The following YPEL1 variants were observed in gnomAD, a reference collection of about 807,000 sequenced individuals.
YPEL1 encodes yippee like 1, also known as protein yippee-like 1.
In YPEL1, 7 loss-of-function variants were observed where a neutral mutation model predicts 17.3. The ratio of observed to expected loss-of-function variants is 0.40; its 90% CI spans 0.23 to 0.76. The LOEUF is 0.76. YPEL1 is among the 30% of genes least tolerant of loss of function. YPEL1 has a pLI of 0.35. For missense variants in YPEL1, 91 were observed against 155.5 expected, an observed-to-expected ratio of 0.59 and a Z score of 2.21; for synonymous variants, 59 against 59.6, an observed-to-expected ratio of 0.99 and a Z score of 0.05.
At chr22:21,706,906 G>A (rs953085389) in intron 2 of YPEL1, among the ~76,000 whole-genome samples, 1 of 151,974 alleles carries the variant, frequency 6.6e-6, no homozygotes, top group East Asian at 1.9e-4. Context: ...AATACTAAGT[G>A]AGGAAAAGTT....
chr22:21,700,848 T>G lies in YPEL1; in HGVS notation c.*281A>C. 3.3e-6 allele frequency: 1 copy of G among 304,844 alleles called. No individual in the cohort carries two copies. The highest frequency in any genetic ancestry group is 6.1e-6 in the Non-Finnish European group (1 of 164,396). The allele number at this position is 304,844 out of a possible 1,614,324, so 18.9% of individuals were successfully genotyped here. A position where few individuals can be genotyped will look rare whatever the true frequency, so the allele number is the denominator to read the frequency against. ...TGAAGACAAAGGTGAAAGGAAGATATTAACTAGGCAGGTAAGTCATCAGTT... is the reference window on the plus strand; with the variant it reads ...TGAAGACAAAGGTGAAAGGAAGATAGTAACTAGGCAGGTAAGTCATCAGTT... On this transcript the variant is annotated 3_prime_UTR_variant, in exon 5 of 5. Coordinates refer to ENST00000339468, the MANE Select transcript of YPEL1 (RefSeq NM_013313.5).
rs901035570 is a variant in YPEL1, at chr22:21,697,964, T to TAAAA, written c.*3161_*3164dup. ...GCCATCAAGAATAAGCATTAAGGTA[T>TAAAA]AAAAAATACTGTGTGTATAAAACAA... On this transcript the variant is annotated 3_prime_UTR_variant, in exon 5 of 5. Transcript: ENST00000339468. The TAAAA allele has an allele frequency of 1.3e-5, 2 of 152,288 alleles. No individual in the cohort carries two copies. Among genetic ancestry groups the TAAAA allele is most frequent in the African/African-American group, 4.8e-5 (2 of 41,428 alleles). 9.4% of individuals were successfully genotyped at this position (152,288 alleles called of 1,614,324 possible).
chr22:21,713,871 C>T (rs576191978), intron 1 of YPEL1, among the ~76,000 whole-genome samples: 4 of 152,206 alleles, frequency 2.6e-5, no homozygotes, highest in Non-Finnish European at 5.9e-5. Context: ...CCTGGTGGCA[C>T]CACCCCAGCC....
At chr22:21,715,378 C>T (rs1456504481) in intron 1 of YPEL1, among the ~76,000 whole-genome samples, 1 of 151,580 alleles carries the variant, frequency 6.6e-6, no homozygotes, top group East Asian at 2.0e-4. Context: ...CCTGTAGTAC[C>T]AGCTACTCGG....
At position 21,698,339 on chromosome 22, in the gene YPEL1, A is replaced by G. The variant is rs1386858002; in HGVS notation, c.*2790T>C. The G allele has an allele frequency of 2.0e-5, 3 of 152,340 alleles. No homozygotes were observed. The highest frequency in any genetic ancestry group is 7.2e-5 in the African/African-American group (3 of 41,444). 9.4% of individuals were successfully genotyped at this position (152,340 alleles called of 1,614,324 possible). A position where few individuals can be genotyped will look rare whatever the true frequency, so the allele number is the denominator to read the frequency against. On this transcript the variant is annotated 3_prime_UTR_variant, in exon 5 of 5. Transcript: ENST00000339468. The stretch of plus-strand genomic sequence containing the variant: ...TCAATGCCGTCACAAAAGACAGTAC[A>G]AAAACCAAAGTGCCCAAATAGAAGG...
chr22:21,718,281 A>G (rs1465945234), intron 1 of YPEL1, among the ~76,000 whole-genome samples: 3 of 151,786 alleles, frequency 2.0e-5, no homozygotes, highest in South Asian at 2.1e-4. Context: ...GGCTAACACA[A>G]TGAAACCCCA....
chr22:21,732,589 C>T (rs983395580), intron 1 of YPEL1, among the ~76,000 whole-genome samples: 1 of 152,142 alleles, frequency 6.6e-6, no homozygotes, highest in Non-Finnish European at 1.5e-5. Flanking sequence ...TGAGGCCATC[C>T]TGGCCAACCT....
chr22:21,715,738 C>T (rs2068215766), intron 1 of YPEL1, among the ~76,000 whole-genome samples: 1 of 108,274 alleles, frequency 9.2e-6, no homozygotes, highest in African/African-American at 2.9e-5. Context: ...CGTGCCACCA[C>T]ACCTAATTTT....
intron 1 of YPEL1, among the ~76,000 whole-genome samples, chr22:21,720,926 AG>A (rs1377943714): frequency 6.8e-6 from 1 of 147,832 alleles, no homozygotes; most frequent in Non-Finnish European, 1.5e-5. Context: ...CTCCTGCCTC[AG>A]CCACCAGAGT....
rs933885950 is a variant in YPEL1, at chr22:21,710,612, G to C, written c.117+16C>G. ...ATAATCATTGTGCCATCAATTTTTT[G>C]GCATAAGCCACTTGCCTTGGAGATG... On this transcript the variant is annotated intron_variant, in intron 2 of 4. Coordinates refer to ENST00000339468, the MANE Select transcript of YPEL1 (RefSeq NM_013313.5). 9 of 1,602,280 alleles carry C rather than the reference G, an allele frequency of 5.6e-6. No homozygotes were observed. Among genetic ancestry groups the C allele is most frequent in the Non-Finnish European group, 7.7e-6 (9 of 1,169,210 alleles).
Position 21,700,976 on chromosome 22 carries a change from C to A in YPEL1, c.*153G>T, listed in dbSNP as rs1010853394. On this transcript the variant is annotated 3_prime_UTR_variant, in exon 5 of 5. Transcript: ENST00000339468. ...AGGACAGATCCGAGGGACACCTTACCCACAGAGATGGCCGAGAGTGTCAAG... is the reference window on the plus strand; with the variant it reads ...AGGACAGATCCGAGGGACACCTTACACACAGAGATGGCCGAGAGTGTCAAG... 1.3e-5 allele frequency: 8 copies of A among 604,356 alleles called. No individual in the cohort carries two copies. Among genetic ancestry groups the A allele is most frequent in the African/African-American group, 1.3e-4 (7 of 54,154 alleles). 37.4% of individuals were successfully genotyped at this position (604,356 alleles called of 1,614,324 possible).
chr22:21,713,127 G>GA (rs1167729734), intron 1 of YPEL1, among the ~76,000 whole-genome samples: 4 of 152,284 alleles, frequency 2.6e-5, no homozygotes, highest in South Asian at 4.1e-4. Flanking sequence ...CGTTGGTGAG[G>GA]ATGTGGAGGA....
At chr22:21,715,189 G>A (rs2068209271) in intron 1 of YPEL1, among the ~76,000 whole-genome samples, 1 of 152,088 alleles carries the variant, frequency 6.6e-6, no homozygotes, top group African/African-American at 2.4e-5. Context: ...AAGAAAAAGT[G>A]TAACTAGACA....
In YPEL1 at chr22:21,699,332, C is replaced by A; in HGVS notation, c.*1797G>T. ...CTCAGTGCTCTCCTATCTGCTGCCC[C>A]TCGGTCCCCCTGCCTGCCCTCTGCC... On this transcript the variant is annotated 3_prime_UTR_variant, in exon 5 of 5. Coordinates refer to ENST00000339468, the MANE Select transcript of YPEL1 (RefSeq NM_013313.5). 1 of 152,860 alleles carries A rather than the reference C, an allele frequency of 6.5e-6. No homozygotes were observed. 9.5% of individuals were successfully genotyped at this position (152,860 alleles called of 1,614,324 possible). A position where few individuals can be genotyped will look rare whatever the true frequency, so the allele number is the denominator to read the frequency against.
chr22:21,712,193 C>G (rs565421103), intron 1 of YPEL1, among the ~76,000 whole-genome samples: 13 of 151,956 alleles, frequency 8.6e-5, no homozygotes, highest in Middle Eastern at 6.8e-3. Flanking sequence ...TAAATAAAAA[C>G]TTTTGTGCTT....
At chr22:21,735,426 C>T (rs1156794927) in intron 1 of YPEL1, among the ~76,000 whole-genome samples, 189 bp downstream of exon 1, 4 of 152,152 alleles carry the variant, frequency 2.6e-5, no homozygotes, top group Non-Finnish European at 5.9e-5. Context: ...TGTGCCAAAA[C>T]GGAGTGAGCC....
At position 21,729,840 on chromosome 22, in the gene YPEL1, G is replaced by C. The variant is rs73384128; in HGVS notation, c.-165+5775C>G. Among the ~76,000 whole-genome samples, 513 of 152,190 alleles carry C rather than the reference G, an allele frequency of 3.4e-3. 2 individuals are homozygous for C. Among genetic ancestry groups the C allele is most frequent in the African/African-American group, 0.012 (491 of 41,532 alleles). On this transcript the variant is annotated intron_variant, in intron 1 of 4. Coordinates refer to ENST00000339468, the MANE Select transcript of YPEL1 (RefSeq NM_013313.5). ...TAATACTGCCTGTAATAAAAGATTA[G>C]AAACCACCTCAAGTTTAACCAATAG...
Position 21,703,514 on chromosome 22 carries a change from G to GGCCCGCCCCTGACCAGGCCCT in YPEL1, c.162-57_162-37dup, listed in dbSNP as rs765850505. On this transcript the variant is annotated intron_variant, in intron 3 of 4. Transcript: ENST00000339468. The surrounding 1 kb of genome is among the most constrained non-coding windows in gnomAD (Gnocchi z 6.1). ...AGAGGGGCCACTGCGCTGCAGGCCC[G>GGCCCGCCCCTGACCAGGCCCT]GCCCGCCCCTGACCAGGCCCTGCCC... The GGCCCGCCCCTGACCAGGCCCT allele has an allele frequency of 6.4e-7, 1 of 1,569,458 alleles. No individual in the cohort carries two copies. Among genetic ancestry groups the GGCCCGCCCCTGACCAGGCCCT allele is most frequent in the Admixed American group, 1.7e-5 (1 of 59,752 alleles).
At chr22:21,726,743 T>G (rs2068339524) in intron 1 of YPEL1, among the ~76,000 whole-genome samples, 1 of 152,044 alleles carries the variant, frequency 6.6e-6, no homozygotes, top group Non-Finnish European at 1.5e-5. Context: ...GGCCCCTTCC[T>G]GCACCTGGGC....
Sources: allele counts gnomAD v4.1 joint callset (sites outside exome capture counted in the v4.1 genomes callset), GRCh38; gene constraint gnomAD v4.1.1; non-coding constraint Gnocchi (gnomAD v3.1); transcripts MANE v1.5; gene names NCBI Gene and HGNC (gene_info 2026-07-23, HGNC 2026-07-21).